The following R3HDM1 variants were observed in gnomAD, a reference collection of about 807,000 sequenced individuals.
R3HDM1 encodes R3H domain-containing protein 1.
In R3HDM1, 46 loss-of-function variants were observed where a neutral mutation model predicts 141.1. That is an observed-to-expected ratio of 0.33 (90% CI 0.26 to 0.42). The LOEUF is 0.42. R3HDM1 is among the 10% of genes least tolerant of loss of function. The probability of loss-of-function intolerance (pLI) is 1.00; values close to 1 mark genes in which losing one functional copy is unlikely to be tolerated. For missense variants in R3HDM1, 1,184 were observed against 1,368.3 expected, an observed-to-expected ratio of 0.87 and a Z score of 2.12; for synonymous variants, 435 against 472.9, an observed-to-expected ratio of 0.92 and a Z score of 1.04.
chr2:135,613,728 A>C (rs1280115601), intron 3 of R3HDM1, among the ~76,000 whole-genome samples: 1 of 152,172 alleles, frequency 6.6e-6, no homozygotes, highest in Non-Finnish European at 1.5e-5. Context: ...AGGCAGGAGA[A>C]TTACTTGAAC....
chr2:135,706,987 G>A (rs1486085562), intron 21 of R3HDM1, among the ~76,000 whole-genome samples: 3 of 152,148 alleles, frequency 2.0e-5, no homozygotes, highest in Non-Finnish European at 4.4e-5. Flanking sequence ...CCCGGACGGG[G>A]CGGCTGGCCG....
At chr2:135,714,672 C>T (rs1422200305) in intron 23 of R3HDM1, among the ~76,000 whole-genome samples, 1 of 151,952 alleles carries the variant, frequency 6.6e-6, no homozygotes, top group Non-Finnish European at 1.5e-5. Context: ...GAAATAGACA[C>T]TAATTATTTT....
At chr2:135,659,809 T>C (rs2066456535) in intron 18 of R3HDM1, among the ~76,000 whole-genome samples, 1 of 152,226 alleles carries the variant, frequency 6.6e-6, no homozygotes, top group African/African-American at 2.4e-5. Flanking sequence ...CCATTTATTA[T>C]CATTACCAAG....
At chr2:135,671,812 C>T (rs1007070203) in intron 19 of R3HDM1, among the ~76,000 whole-genome samples, 1 of 151,630 alleles carries the variant, frequency 6.6e-6, no homozygotes, top group African/African-American at 2.4e-5. Flanking sequence ...CCTGTCTATA[C>T]TAAAAATACA....
At chr2:135,584,769 G>C (rs1181130038) in intron 1 of R3HDM1, among the ~76,000 whole-genome samples, 1 of 152,168 alleles carries the variant, frequency 6.6e-6, no homozygotes, top group Admixed American at 6.5e-5. Context: ...TGGAGAGAGA[G>C]AGAATCTTTT....
rs1187250481 is a variant in R3HDM1, at chr2:135,680,231, T to G, written c.2366T>G (p.Met789Arg). Residue 789 changes from methionine to arginine, a missense_variant, in exon 21 of 27, where the codon ATG becomes AGG. Physicochemically the swap from Met to Arg is moderately conservative, Grantham distance 91. Transcript: ENST00000683871. ...CATCAGACTTATCAACAGCCTGTTA[T>G]GTTCCCTAATCAGTCTAATCAAGGA... ...IPHQTYQQPVMFPNQSNQGSM... is the reference protein window; with the variant it reads ...IPHQTYQQPVRFPNQSNQGSM... The G allele has an allele frequency of 1.2e-6, 2 of 1,613,606 alleles. No individual in the cohort carries two copies.
At position 135,710,141 on chromosome 2, in the gene R3HDM1, A is replaced by G. The variant is rs746652208; in HGVS notation, c.2646A>G (p.Ser882=). Residue 882 remains serine (S), a synonymous_variant, in exon 23 of 27, where the codon TCA becomes TCG. Transcript: ENST00000683871. ...VPNNPQSCAH[S]PPQWKQNKYY... is the part of the protein sequence containing the mutation. ...ACAATCCACAATCTTGTGCCCACTCACCCCCGCAGTGGAAACAAAACAAAT... is the reference window on the plus strand; with the variant it reads ...ACAATCCACAATCTTGTGCCCACTCGCCCCCGCAGTGGAAACAAAACAAAT... 7 of 1,613,668 alleles carry G rather than the reference A, an allele frequency of 4.3e-6. No individual in the cohort carries two copies. In the South Asian group the frequency reaches 7.7e-5, roughly 18 times the overall value.
At chr2:135,536,830 G>T in intron 1 of R3HDM1, 2 of 513,516 alleles carry the variant, frequency 3.9e-6, no homozygotes, top group Non-Finnish European at 5.0e-6. Context: ...CCTCCTGTCA[G>T]ATCAGCGGTG....
At chr2:135,578,180 CTG>C (rs1448539880) in intron 1 of R3HDM1, among the ~76,000 whole-genome samples, 1 of 152,162 alleles carries the variant, frequency 6.6e-6, no homozygotes, top group Non-Finnish European at 1.5e-5. Context: ...TGGAGCAGTA[CTG>C]TGTCACTGTA....
chr2:135,622,351 G>A (rs2061592179), intron 6 of R3HDM1: 1 of 984,238 alleles, frequency 1.0e-6, no homozygotes, highest in South Asian at 4.7e-5. Context: ...ACATGAGGTT[G>A]TGGTGAGTAT....
intron 1 of R3HDM1, among the ~76,000 whole-genome samples, chr2:135,598,826 T>C (rs2059397295): frequency 6.6e-6 from 1 of 152,178 alleles, no homozygotes; most frequent in South Asian, 2.1e-4. Flanking sequence ...TTCCTGTCAT[T>C]CCCCCATCCT....
At chr2:135,645,831 T>C (rs2064335912) in intron 16 of R3HDM1, among the ~76,000 whole-genome samples, 1 of 152,180 alleles carries the variant, frequency 6.6e-6, no homozygotes, top group African/African-American at 2.4e-5. Flanking sequence ...AACAAAACTG[T>C]GATTGTTCAT....
chr2:135,583,381 A>G (rs1052577881), intron 1 of R3HDM1, among the ~76,000 whole-genome samples: 2 of 152,136 alleles, frequency 1.3e-5, no homozygotes, highest in Admixed American at 6.5e-5. Flanking sequence ...CTGTTGCATT[A>G]TATCAGGAGG....
chr2:135,635,826 A>G, intron 9 of R3HDM1, 64 bp from the exon 10 acceptor site: 1 of 1,511,830 alleles, frequency 6.6e-7, no homozygotes, highest in Non-Finnish European at 8.8e-7. Flanking sequence ...GTTATGTTTA[A>G]CTTCTTTGCT....
At position 135,715,600 on chromosome 2, in the gene R3HDM1, A is replaced by T; in HGVS notation, c.2787A>T (p.Ala929=). Residue 929 remains alanine, a synonymous_variant, in exon 24 of 27, where the codon GCA becomes GCT. Coordinates refer to ENST00000683871, the MANE Select transcript of R3HDM1 (RefSeq NM_001378107.1). The part of the protein sequence containing the change: ...SPIISPAQSP[A]PAQLSTLKTV... ...TTATTTCACCAGCTCAGTCGCCAGC[A>T]CCAGCTCAGCTGTCCACCCTGAAAA... 1 of 1,614,122 alleles carries T rather than the reference A, an allele frequency of 6.2e-7. No homozygotes were observed. The highest frequency in any genetic ancestry group is 8.5e-7 in the Non-Finnish European group (1 of 1,179,972).
chr2:135,626,429 T>C (rs921767485), intron 7 of R3HDM1, among the ~76,000 whole-genome samples: 1 of 152,168 alleles, frequency 6.6e-6, no homozygotes, highest in African/African-American at 2.4e-5. Flanking sequence ...TCATTTCATT[T>C]GGGATAGGGT....
At chr2:135,616,621 C>T (rs2061044694) in intron 4 of R3HDM1, 47 bp from the exon 5 acceptor site, 17 of 1,450,716 alleles carry the variant, frequency 1.2e-5, no homozygotes, top group Admixed American at 1.9e-5. Context: ...TTTGGATATG[C>T]CCTAGATTTC....
chr2:135,539,512 T>TA (rs1351520888), intron 1 of R3HDM1, among the ~76,000 whole-genome samples: 10 of 152,300 alleles, frequency 6.6e-5, no homozygotes, highest in African/African-American at 1.9e-4. Context: ...ATTGTATTGA[T>TA]ACAGCAACTA....
In R3HDM1 at chr2:135,645,362, C is replaced by T. The variant is rs997380554; in HGVS notation, c.1475-17C>T. ...TGTATTCTAAGTTATTTTTTTCCCT[C>T]TTTTTGAATTTTTCAGGTCAGCCCT... On this transcript the variant is annotated splice_polypyrimidine_tract_variant and intron_variant, in intron 15 of 26. Coordinates refer to ENST00000683871, the MANE Select transcript of R3HDM1 (RefSeq NM_001378107.1). 9 of 1,568,660 alleles carry T rather than the reference C, an allele frequency of 5.7e-6. No individual in the cohort carries two copies. Among genetic ancestry groups the T allele is most frequent in the African/African-American group, 4.1e-5 (3 of 73,452 alleles).
Sources: allele counts gnomAD v4.1 joint callset (sites outside exome capture counted in the v4.1 genomes callset), GRCh38; gene constraint gnomAD v4.1.1; transcripts MANE v1.5; gene names NCBI Gene and HGNC (gene_info 2026-07-23, HGNC 2026-07-21).